Variants in DMD observed in about 807,000 individuals in gnomAD.
DMD encodes dystrophin.
A neutral mutation model predicts 330.1 loss-of-function variants in DMD; 63 were observed. The ratio of observed to expected loss-of-function variants is 0.19; its 90% CI spans 0.16 to 0.24. The LOEUF is 0.24. Ranked by LOEUF, DMD falls within the 10% of genes least tolerant of loss-of-function variation. The probability of loss-of-function intolerance (pLI) is 1.00; values close to 1 mark genes in which losing one functional copy is unlikely to be tolerated. For synonymous variants in DMD, 1,223 were observed against 959.8 expected (o/e 1.27, Z -5.07); for missense variants, 3,344 against 2,684.1 (o/e 1.25, Z -5.43).
chrX:31,427,181 G>A (rs1456500750), intron 60 of DMD, among the ~76,000 whole-genome samples: 6 of 111,347 alleles, frequency 5.4e-5, no homozygotes, highest in Non-Finnish European at 3.8e-5. Context: ...CCATATACCC[G>A]ATAACTCAGT....
At chrX:31,162,199 A>T (rs2038896115) in intron 74 of DMD, among the ~76,000 whole-genome samples, 1 of 110,012 alleles carries the variant, frequency 9.1e-6, no homozygotes, top group African/African-American at 3.3e-5. Context: ...TTTTAAAATT[A>T]CATTAAGCAC....
chrX:31,177,874 A>G (rs923015917), intron 71 of DMD, 58 bp downstream of exon 71: 8 of 1,007,885 alleles, frequency 7.9e-6, no homozygotes, highest in Non-Finnish European at 1.1e-5. Context: ...AACAAAAGAG[A>G]ACCAAGCGAG....
At chrX:31,861,584 T>TA (rs55938260) in intron 48 of DMD, among the ~76,000 whole-genome samples, 24,607 of 81,458 alleles carry the variant, frequency 0.3, 3,487 homozygotes, top group African/African-American at 0.37. Flanking sequence ...TATGCAACTG[T>TA]AAAAAAAAAA....
chrX:31,771,407 CT>C (rs1463456054), intron 51 of DMD, among the ~76,000 whole-genome samples: 1 of 109,023 alleles, frequency 9.2e-6, no homozygotes, highest in African/African-American at 3.3e-5. Flanking sequence ...ATATAATATG[CT>C]ATATATACTA....
intron 7 of DMD, among the ~76,000 whole-genome samples, chrX:32,734,595 C>G: frequency 9.6e-6 from 1 of 103,846 alleles, no homozygotes; most frequent in Non-Finnish European, 1.9e-5. Flanking sequence ...CCCTGGGATG[C>G]AAGGCTGGTT....
chrX:31,673,703 A>G (rs1347106869), intron 53 of DMD, among the ~76,000 whole-genome samples: 1 of 112,422 alleles, frequency 8.9e-6, no homozygotes, highest in Non-Finnish European at 1.9e-5. Context: ...TATATTTTCA[A>G]GCACGGGATA....
At chrX:31,656,456 C>G (rs16989761) in intron 54 of DMD, among the ~76,000 whole-genome samples, 3,837 of 111,950 alleles carry the variant, frequency 0.034, 171 homozygotes, top group African/African-American at 0.12. Context: ...TCAGTGTCCT[C>G]AAGCTCTAGT....
intron 45 of DMD, among the ~76,000 whole-genome samples, chrX:31,940,579 C>T (rs1161004067): frequency 9.0e-6 from 1 of 111,619 alleles, no homozygotes; most frequent in South Asian, 3.7e-4. Flanking sequence ...CCCTGGGCCC[C>T]CCTGATCCAC....
At chrX:33,176,895 C>T (rs1484406903) in intron 1 of DMD, among the ~76,000 whole-genome samples, 1 of 111,763 alleles carries the variant, frequency 8.9e-6, no homozygotes, top group African/African-American at 3.3e-5. Flanking sequence ...CGAGATCATG[C>T]CATTGCACTG....
At position 31,169,563 on chromosome X, in the gene DMD, C is replaced by G; in HGVS notation, c.10433G>C (p.Ser3478Thr). The change falls in exon 74 of 79, where the codon AGT (serine) becomes ACT (threonine). Residue 3478 changes from serine (S) to threonine (T), a missense_variant. By Grantham distance (58) the Ser-to-Thr change is moderately conservative. Transcript: ENST00000357033. Reference protein sequence around the residue: ...EHLLIQHYCQSLNQDSPLSQP... With the variant: ...EHLLIQHYCQTLNQDSPLSQP... ...GCTCAGGGGGGAGTCCTGGTTCAAA[C>G]TTTGGCAGTAATGCTGGATTAACAA... 1 of 1,207,296 alleles carries G rather than the reference C, an allele frequency of 8.3e-7. No individual in the cohort carries two copies. Among genetic ancestry groups the G allele is most frequent in the Non-Finnish European group, 1.1e-6 (1 of 893,050 alleles).
rs16990527 is a variant in DMD at position 32,645,261 on chromosome X, T to C, written c.961-109A>G. On this transcript the variant is annotated intron_variant, in intron 9 of 78. Coordinates refer to ENST00000357033, the MANE Select transcript of DMD (RefSeq NM_004006.3). ...TATTTAAAATGCTAGGACTGTCCAC[T>C]GGCATTATCAAACACAGGAACAGCA... 0.026 allele frequency: 22,106 copies of C among 852,950 alleles called. 2,304 individuals carry two copies. In the African/African-American group the frequency reaches 0.34, roughly 13 times the overall value. The allele number at this position is 852,950 out of a possible 1,213,427, so 70.3% of individuals were successfully genotyped here. A position where few individuals can be genotyped will look rare whatever the true frequency, so the allele number is the denominator to read the frequency against.
intron 57 of DMD, among the ~76,000 whole-genome samples, chrX:31,486,009 C>T (rs1469979288): frequency 8.9e-6 from 1 of 112,074 alleles, no homozygotes; most frequent in Non-Finnish European, 1.9e-5. Context: ...TGCAGTGATC[C>T]AGAAAAGGTG....
intron 2 of DMD, among the ~76,000 whole-genome samples, chrX:32,860,647 GAAT>G (rs1381475458): frequency 9.0e-6 from 1 of 110,882 alleles, no homozygotes; most frequent in Non-Finnish European, 1.9e-5. Flanking sequence ...TTCTGTTGCG[GAAT>G]AATATACATA....
intron 30 of DMD, among the ~76,000 whole-genome samples, chrX:32,410,510 G>T (rs1398510710): frequency 9.0e-6 from 1 of 111,567 alleles, no homozygotes; most frequent in African/African-American, 3.3e-5. Context: ...TTGTAACCAT[G>T]ATCTACAAAT....
chrX:32,480,624 A>C (rs753751219), intron 21 of DMD, among the ~76,000 whole-genome samples: 1 of 106,043 alleles, frequency 9.4e-6, no homozygotes, highest in Non-Finnish European at 1.9e-5. Flanking sequence ...CAGTATGTGT[A>C]TATATGTACA....
At chrX:33,295,486 T>A (rs1287404761) in intron 1 of DMD, among the ~76,000 whole-genome samples, 1 of 110,790 alleles carries the variant, frequency 9.0e-6, no homozygotes, top group Non-Finnish European at 1.9e-5. Flanking sequence ...GATACAGACA[T>A]AAGTATATAT....
chrX:31,167,910 A>G (rs971249447), intron 74 of DMD, among the ~76,000 whole-genome samples: 1 of 112,041 alleles, frequency 8.9e-6, no homozygotes, highest in African/African-American at 3.3e-5. Context: ...CTCATTAAAG[A>G]GAGGCACTGG....
chrX:33,297,119 A>C (rs1457164085), intron 1 of DMD, among the ~76,000 whole-genome samples: 1 of 111,421 alleles, frequency 9.0e-6, no homozygotes, highest in East Asian at 2.8e-4. Context: ...TCCAAATTAA[A>C]TTTAAACCAA....
chrX:32,975,044 A>T (rs1018174766), intron 2 of DMD, among the ~76,000 whole-genome samples: 1 of 111,919 alleles, frequency 8.9e-6, no homozygotes, highest in African/African-American at 3.2e-5. Context: ...CATCCTTGAA[A>T]CTTACACAAC....
Sources: allele counts gnomAD v4.1 joint callset (sites outside exome capture counted in the v4.1 genomes callset), GRCh38; gene constraint gnomAD v4.1.1; transcripts MANE v1.5; gene names NCBI Gene and HGNC (gene_info 2026-07-23, HGNC 2026-07-21).